FASTKD1: variants seen among roughly 807,000 people sequenced by gnomAD.
FASTKD1 encodes FAST kinase domains 1.
Under a neutral mutation model 90.9 loss-of-function variants are expected in FASTKD1, and 94 were observed. The observed-to-expected ratio is 1.03, with a 90% CI of 0.88 to 1.23. The LOEUF is 1.23. FASTKD1 is among the 50% of genes most tolerant of loss of function. FASTKD1 has a pLI of 0.00. For synonymous variants in FASTKD1, 319 were observed against 345.8 expected (o/e 0.92, Z 0.86); for missense variants, 945 against 993.5 (o/e 0.95, Z 0.66).
chr2:169,547,381 G>A (rs1231950283), intron 7 of FASTKD1, among the ~76,000 whole-genome samples: 2 of 152,070 alleles, frequency 1.3e-5, no homozygotes, highest in Non-Finnish European at 2.9e-5. Flanking sequence ...GTGTAGGGTG[G>A]GATCTCTCAG....
At chr2:169,555,306 T>A in intron 6 of FASTKD1, 51 bp from the exon 7 acceptor site, 3 of 1,487,910 alleles carry the variant, frequency 2.0e-6, no homozygotes, top group Admixed American at 1.9e-5. Context: ...TTATTACACA[T>A]TTACTATGGT....
At chr2:169,553,941 C>T (rs113101955) in intron 7 of FASTKD1, among the ~76,000 whole-genome samples, 13,642 of 150,156 alleles carry the variant, frequency 0.091, 1,072 homozygotes, top group African/African-American at 0.21. Flanking sequence ...AAATAAATAA[C>T]GGTAAGAAAT....
intron 7 of FASTKD1, among the ~76,000 whole-genome samples, chr2:169,553,746 T>C (rs1685604748): frequency 6.6e-6 from 1 of 150,626 alleles, no homozygotes; most frequent in African/African-American, 2.4e-5. Context: ...TGAAACCCCA[T>C]CTCTACTAAA....
rs763799874 is a variant in FASTKD1, at chr2:169,531,340, G to T, written c.2327+12C>A. 1.2e-6 allele frequency: 2 copies of T among 1,612,238 alleles called. No homozygotes were observed. The highest frequency in any genetic ancestry group is 1.7e-6 in the Non-Finnish European group (2 of 1,178,584). ...AGATATTAATACAATCTAAAACTAA[G>T]AAATAAATTACCTTTCAGCCCCTGG... On this transcript the variant is annotated intron_variant, in intron 13 of 14. Transcript: ENST00000453153.
chr2:169,562,214 T>G (rs1683731976), intron 4 of FASTKD1, among the ~76,000 whole-genome samples: 1 of 151,494 alleles, frequency 6.6e-6, no homozygotes, highest in African/African-American at 2.4e-5. Context: ...TCAAGTTTTG[T>G]TACTGTTTTT....
intron 7 of FASTKD1, 152 bp from the exon 8 acceptor site, chr2:169,546,856 A>T (rs1427615314): frequency 1.3e-6 from 1 of 781,206 alleles, no homozygotes; most frequent in Non-Finnish European, 2.0e-6. Flanking sequence ...CTCAAACCAC[A>T]ACAATCATCA....
At chr2:169,536,780 G>A (rs759088748) in intron 12 of FASTKD1, among the ~76,000 whole-genome samples, 9 of 152,162 alleles carry the variant, frequency 5.9e-5, no homozygotes, top group Non-Finnish European at 1.0e-4. Flanking sequence ...GATTAATCAG[G>A]TTAGCATCAA....
chr2:169,571,407 C>CA (rs796399527), intron 2 of FASTKD1, among the ~76,000 whole-genome samples: 4 of 151,558 alleles, frequency 2.6e-5, no homozygotes, highest in East Asian at 2.0e-4. Context: ...ACTAAAAATA[C>CA]AAAAAAATTA....
chr2:169,540,689 A>G (rs1384521399), intron 9 of FASTKD1, among the ~76,000 whole-genome samples: 1 of 152,212 alleles, frequency 6.6e-6, no homozygotes, highest in Non-Finnish European at 1.5e-5. Flanking sequence ...TCTCCACTTT[A>G]TAAATAAGCA....
chr2:169,561,756 TTTA>T lies in FASTKD1; in HGVS notation c.573-974_573-972del, dbSNP rs575256041. The stretch of plus-strand genomic sequence containing the variant: ...TAAATTAATTATTCATTATAAATTA[TTTA>T]TTAATTTATTGTAAATTATTTATTA... On this transcript the variant is annotated intron_variant, in intron 4 of 14. Transcript: ENST00000453153. 1.7e-4 allele frequency among the ~76,000 whole-genome samples: 22 copies of T among 127,996 alleles called. No individual in the cohort carries two copies. The East Asian group carries it at 4.8e-3, about 28-fold the overall frequency. 84.0% of individuals were successfully genotyped at this position (127,996 alleles called of 152,430 possible).
chr2:169,554,538 C>G (rs1233318370), intron 7 of FASTKD1, among the ~76,000 whole-genome samples: 1 of 144,398 alleles, frequency 6.9e-6, no homozygotes, highest in Non-Finnish European at 1.6e-5. Context: ...GTGGTATGTG[C>G]CTGTATTCCC....
chr2:169,552,981 C>A (rs1255612811), intron 7 of FASTKD1, among the ~76,000 whole-genome samples: 1 of 151,920 alleles, frequency 6.6e-6, no homozygotes, highest in Non-Finnish European at 1.5e-5. Context: ...CCAAAGCAGG[C>A]GGATCACTTG....
intron 7 of FASTKD1, among the ~76,000 whole-genome samples, chr2:169,549,058 C>A (rs1028296979): frequency 6.6e-6 from 1 of 152,042 alleles, no homozygotes. Flanking sequence ...GATGGCACCA[C>A]TGCACTCCAG....
At chr2:169,563,467 T>A in intron 3 of FASTKD1, 117 bp from the exon 4 acceptor site, 1 of 667,048 alleles carries the variant, frequency 1.5e-6, no homozygotes, top group Non-Finnish European at 2.1e-6. Flanking sequence ...ATTTTTTTTC[T>A]AAAATGTTAT....
rs750044918 is a variant in FASTKD1, at chr2:169,538,114, A to G, written c.1973T>C (p.Val658Ala). 5.6e-6 allele frequency: 9 copies of G among 1,606,208 alleles called. No individual in the cohort carries two copies. In the South Asian group the frequency reaches 1.0e-4, roughly 18 times the overall value. The change falls in exon 11 of 15, where the codon GTC (valine) becomes GCC (alanine). Residue 658 changes from valine (V) to alanine (A), a missense_variant. Val to Ala is a moderately conservative substitution (Grantham distance 64). Coordinates refer to ENST00000453153, the MANE Select transcript of FASTKD1 (RefSeq NM_024622.6). ...ATTTAACTCCATAAGATGAAACTGG[A>G]CTCTTGCACTTCGAGATGGAGATAA... ...EILSPSRSARVQFHLMELNRS... is the reference protein window; with the variant it reads ...EILSPSRSARAQFHLMELNRS...
rs531482927 is a variant in FASTKD1, at chr2:169,542,603, C to A, written c.1816+2118G>T. On this transcript the variant is annotated intron_variant, in intron 9 of 14. Coordinates refer to ENST00000453153, the MANE Select transcript of FASTKD1 (RefSeq NM_024622.6). ...TTTTCTGGCCAGGTGTGGTGGCACA[C>A]GCCTGTAATTCCAGCACTTGGGAGG... Among the ~76,000 whole-genome samples, 70 of 152,278 alleles carry A rather than the reference C, an allele frequency of 4.6e-4. 1 individual carries two copies. The highest frequency in any genetic ancestry group is 1.5e-3 in the African/African-American group (61 of 41,558).
Position 169,543,254 on chromosome 2 carries a change from G to A in FASTKD1, c.1816+1467C>T, listed in dbSNP as rs561091733. Among the ~76,000 whole-genome samples, 9 of 152,086 alleles carry A rather than the reference G, an allele frequency of 5.9e-5. No homozygotes were observed. In the East Asian group the frequency reaches 1.5e-3, roughly 26 times the overall value. On this transcript the variant is annotated intron_variant, in intron 9 of 14. Coordinates refer to ENST00000453153, the MANE Select transcript of FASTKD1 (RefSeq NM_024622.6). ...TGAGGTGGGTGGATCACCTAAAGTC[G>A]GGAGTTCGAGACCAGCCTGACCAAC...
At chr2:169,565,551 C>T (rs1683937081) in intron 3 of FASTKD1, among the ~76,000 whole-genome samples, 2 of 152,062 alleles carry the variant, frequency 1.3e-5, no homozygotes, top group South Asian at 4.1e-4. Context: ...CGTGAGCCAC[C>T]GCGCCCAGCC....
chr2:169,536,421 T>C (rs1684726343), intron 12 of FASTKD1, among the ~76,000 whole-genome samples: 1 of 151,988 alleles, frequency 6.6e-6, no homozygotes, highest in East Asian at 1.9e-4. Flanking sequence ...TATATATATA[T>C]ATTAAGGTGT....
Sources: allele counts gnomAD v4.1 joint callset (sites outside exome capture counted in the v4.1 genomes callset), GRCh38; gene constraint gnomAD v4.1.1; transcripts MANE v1.5; gene names NCBI Gene and HGNC (gene_info 2026-07-23, HGNC 2026-07-21).